The following SYNE2 variants were observed in gnomAD, a reference collection of about 807,000 sequenced individuals.
SYNE2 encodes spectrin repeat containing nuclear envelope protein 2.
In SYNE2, 431 loss-of-function variants were observed where a neutral mutation model predicts 856.3. That is an observed-to-expected ratio of 0.50 (90% confidence interval 0.47 to 0.55). The LOEUF (loss-of-function observed/expected upper bound fraction) is 0.55, where lower values mean the gene tolerates loss of function less well. SYNE2 is among the 20% of genes least tolerant of loss of function. The pLI is 0.00. For synonymous variants in SYNE2, 2,923 were observed against 2,872.3 expected, an observed-to-expected ratio of 1.02 and a Z score of -0.56; for missense variants, 8,129 against 8,023.2, an observed-to-expected ratio of 1.01 and a Z score of -0.50.
At chr14:64,172,349 G>T (rs1197973303) in intron 94 of SYNE2, among the ~76,000 whole-genome samples, 2 of 152,190 alleles carry the variant, frequency 1.3e-5, no homozygotes, top group Non-Finnish European at 2.9e-5. Flanking sequence ...GCTGGGGCTG[G>T]TGTCATCTGA....
intron 96 of SYNE2, among the ~76,000 whole-genome samples, chr14:64,178,238 T>C (rs1387817385): frequency 6.6e-6 from 1 of 152,212 alleles, no homozygotes; most frequent in Non-Finnish European, 1.5e-5. Context: ...TTTTTCTTTG[T>C]TGTAAAAATG....
At chr14:64,105,616 T>C (rs1049040665) in intron 64 of SYNE2, among the ~76,000 whole-genome samples, 1 of 152,232 alleles carries the variant, frequency 6.6e-6, no homozygotes, top group Non-Finnish European at 1.5e-5. Flanking sequence ...GATTATAATA[T>C]CCACATGCTT....
At chr14:63,849,046 A>G (rs1566605623), upstream of SYNE2, among the ~76,000 whole-genome samples, 1 of 152,200 alleles carries the variant, frequency 6.6e-6, no homozygotes, top group African/African-American at 2.4e-5. Flanking sequence ...GTTAGTTTCC[A>G]AGTTTGACAG....
rs112926329 is a variant in SYNE2, at chr14:63,895,109, C to CTT, written c.-51-13976_-51-13975dup. Among the ~76,000 whole-genome samples the CTT allele has an allele frequency of 1.1e-3, 159 of 142,236 alleles. 2 individuals are homozygous for CTT. The East Asian group carries it at 0.013, about 12-fold the overall frequency. 93.3% of individuals were successfully genotyped at this position (142,236 alleles called of 152,430 possible). On this transcript the variant is annotated intron_variant, in intron 1 of 115. Coordinates refer to ENST00000555002, the MANE Select transcript of SYNE2 (RefSeq NM_182914.3). The stretch of plus-strand genomic sequence containing the variant: ...AGCACATAAATTTCCATTTTCTTTT[C>CTT]TTTTTTTTTTTTTTGAGATGAAGTC...
rs546582821 is a variant in SYNE2 at position 63,861,768 on chromosome 14, A to G, written c.-52+8625A>G. Among the ~76,000 whole-genome samples, 5 of 152,180 alleles carry G rather than the reference A, an allele frequency of 3.3e-5. No homozygotes were observed. The South Asian group carries it at 1.0e-3, about 32-fold the overall frequency. On this transcript the variant is annotated intron_variant, in intron 1 of 115. Coordinates refer to ENST00000555002, the MANE Select transcript of SYNE2 (RefSeq NM_182914.3). ...ACACAGTGAGACCCCGACTAAAAAG[A>G]AAAAAAGGAATGTAGGTAAAACAAA...
chr14:64,015,437 A>G (rs900057288), intron 32 of SYNE2, among the ~76,000 whole-genome samples: 1 of 151,956 alleles, frequency 6.6e-6, no homozygotes, highest in African/African-American at 2.4e-5. Context: ...TTTTCAAAGT[A>G]TCTGTCCATT....
Position 63,941,876 on chromosome 14 carries a change from A to C in SYNE2, c.238-9A>C. 6.2e-7 allele frequency: 1 copy of C among 1,613,452 alleles called. No individual in the cohort carries two copies. The highest frequency in any genetic ancestry group is 8.5e-7 in the Non-Finnish European group (1 of 1,179,798). ...TTTTCTGAGTAATATATTTGCTTGA[A>C]TTTCACAGCCTCGGGATAAAGGATC... is the stretch of plus-strand genomic sequence containing the variant. On this transcript the variant is annotated splice_polypyrimidine_tract_variant and intron_variant, in intron 4 of 115. Transcript: ENST00000555002.
intron 57 of SYNE2, among the ~76,000 whole-genome samples, chr14:64,086,968 C>T (rs1456825791): frequency 6.6e-6 from 1 of 151,422 alleles, no homozygotes; most frequent in African/African-American, 2.4e-5. Context: ...CCTCAGCCTC[C>T]CAAAGTGCTG....
chr14:64,020,801 A>AGT (rs1335533641), intron 35 of SYNE2, among the ~76,000 whole-genome samples: 3 of 152,120 alleles, frequency 2.0e-5, no homozygotes, highest in Non-Finnish European at 2.9e-5. Context: ...CTAGGTACAT[A>AGT]GTGGTTGAAT....
At chr14:64,054,293 T>C (rs2097251864) in intron 48 of SYNE2, among the ~76,000 whole-genome samples, 1 of 152,186 alleles carries the variant, frequency 6.6e-6, no homozygotes, top group Admixed American at 6.5e-5. Flanking sequence ...TAAGATATAA[T>C]GGAAGAATTA....
At chr14:64,111,576 A>C (rs759675523) in intron 65 of SYNE2, among the ~76,000 whole-genome samples, 4 of 152,132 alleles carry the variant, frequency 2.6e-5, no homozygotes, top group Non-Finnish European at 5.9e-5. Context: ...AGGCGGGTGG[A>C]TCACTTGAGG....
chr14:64,172,756 C>T (rs995149404), intron 94 of SYNE2, among the ~76,000 whole-genome samples: 3 of 151,886 alleles, frequency 2.0e-5, no homozygotes, highest in African/African-American at 4.8e-5. Context: ...CATAGTGAGA[C>T]CCCTGTCTCT....
intron 1 of SYNE2, among the ~76,000 whole-genome samples, chr14:63,768,004 G>A (rs2139696915): frequency 6.6e-6 from 1 of 152,210 alleles, no homozygotes; most frequent in South Asian, 2.1e-4. Context: ...GACCAGCCTA[G>A]GCAGCATGGT....
At chr14:63,936,149 A>G (rs2095830050) in intron 2 of SYNE2, among the ~76,000 whole-genome samples, 1 of 152,228 alleles carries the variant, frequency 6.6e-6, no homozygotes, top group South Asian at 2.1e-4. Context: ...CTGGGATTAC[A>G]GGCGTGAGCC....
At chr14:63,876,893 T>C (rs1043031391) in intron 1 of SYNE2, among the ~76,000 whole-genome samples, 1 of 152,052 alleles carries the variant, frequency 6.6e-6, no homozygotes, top group Non-Finnish European at 1.5e-5. Flanking sequence ...ATAAGACAGA[T>C]CAGAAACCAC....
intron 68 of SYNE2, among the ~76,000 whole-genome samples, chr14:64,121,686 G>T (rs962746316): frequency 1.3e-5 from 2 of 152,170 alleles, no homozygotes; most frequent in Non-Finnish European, 2.9e-5. Flanking sequence ...CCATAACTTT[G>T]CTCCTTTATT....
In SYNE2 at chr14:64,119,394, C is replaced by A. The variant is rs1262265009; in HGVS notation, c.12841-33C>A. ...AGGCACAATACTTCTTCAAGAACAA[C>A]ATTATGAATAATTAAATGCTTTTAT... On this transcript the variant is annotated intron_variant, in intron 66 of 115. Coordinates refer to ENST00000555002, the MANE Select transcript of SYNE2 (RefSeq NM_182914.3). 2.5e-6 allele frequency: 4 copies of A among 1,612,558 alleles called. No individual in the cohort carries two copies. The Admixed American group carries it at 6.7e-5, about 27-fold the overall frequency.
intron 17 of SYNE2, among the ~76,000 whole-genome samples, chr14:63,983,069 A>G (rs530951023): frequency 2.0e-5 from 3 of 152,328 alleles, no homozygotes; most frequent in South Asian, 4.1e-4. Flanking sequence ...TAATGAAATC[A>G]TATAATATGT....
intron 50 of SYNE2, 128 bp from the exon 51 acceptor site, chr14:64,065,303 TA>T: frequency 2.5e-6 from 2 of 803,884 alleles, no homozygotes; most frequent in Non-Finnish European, 4.1e-6. Flanking sequence ...TCTAAAAGGA[TA>T]AGAGGTGGAT....
Sources: allele counts gnomAD v4.1 joint callset (sites outside exome capture counted in the v4.1 genomes callset), GRCh38; gene constraint gnomAD v4.1.1; transcripts MANE v1.5; gene names NCBI Gene and HGNC (gene_info 2026-07-23, HGNC 2026-07-21).